GYS2: variants seen among roughly 807,000 people sequenced by gnomAD.
GYS2 encodes glycogen synthase 2, also known as glycogen [starch] synthase, liver.
In GYS2, 80 loss-of-function variants were observed where a neutral mutation model predicts 85.6. That is an observed-to-expected ratio of 0.93 (90% CI 0.78 to 1.13). GYS2 has a LOEUF of 1.13. GYS2 is among the 50% of genes most tolerant of loss of function. GYS2 has a pLI of 0.00. For missense variants in GYS2, 881 were observed against 854.9 expected (o/e 1.03, Z -0.38); for synonymous variants, 328 against 300.7 (o/e 1.09, Z -0.94).
At chr12:21,556,678 C>G (rs1164639577) in intron 11 of GYS2, among the ~76,000 whole-genome samples, 2 of 152,132 alleles carry the variant, frequency 1.3e-5, no homozygotes, top group Non-Finnish European at 2.9e-5. Flanking sequence ...GATCCTCAAA[C>G]CAGTTTGTGC....
chr12:21,562,806 G>A (rs558849452), intron 7 of GYS2, 112 bp downstream of exon 7: 27 of 1,133,232 alleles, frequency 2.4e-5, no homozygotes, highest in South Asian at 6.6e-5. Flanking sequence ...TTTAGAATAC[G>A]ATTATCGTTT....
intron 1 of GYS2, among the ~76,000 whole-genome samples, chr12:21,582,160 A>G (rs1944517426): frequency 6.6e-6 from 1 of 152,180 alleles, no homozygotes; most frequent in Admixed American, 6.5e-5. Context: ...AACCAACCTC[A>G]TTAGAAAGTG....
intron 1 of GYS2, among the ~76,000 whole-genome samples, chr12:21,585,064 A>G (rs1268206797): frequency 1.3e-5 from 2 of 152,118 alleles, no homozygotes; most frequent in Non-Finnish European, 2.9e-5. Context: ...TGTCCAATAT[A>G]TGGTACTGTT....
intron 5 of GYS2, 36 bp downstream of exon 5, chr12:21,568,815 TGTAACATCATTCGG>T (rs1330454146): frequency 1.4e-5 from 21 of 1,527,780 alleles, no homozygotes; most frequent in Non-Finnish European, 1.9e-5. Flanking sequence ...ATCCTCATAG[TGTAACATCATTCGG>T]AACTGAAAGA....
chr12:21,542,306 T>G (rs1293662174), intron 13 of GYS2, among the ~76,000 whole-genome samples, 190 bp downstream of exon 13: 1 of 152,174 alleles, frequency 6.6e-6, no homozygotes, highest in Non-Finnish European at 1.5e-5. Context: ...CACCTCGGCC[T>G]CCCAAAGTGC....
chr12:21,534,503 C>T (rs575156250), downstream of GYS2, among the ~76,000 whole-genome samples: 1 of 140,610 alleles, frequency 7.1e-6, no homozygotes, highest in Non-Finnish European at 1.5e-5. Context: ...GGTGACAGAG[C>T]AAGACTCTTG....
downstream of GYS2, among the ~76,000 whole-genome samples, chr12:21,533,588 A>G (rs1207898928): frequency 1.3e-5 from 2 of 152,302 alleles, no homozygotes; most frequent in Non-Finnish European, 2.9e-5. Context: ...ATTTGGGTTC[A>G]TTCAGTGAAG....
intron 3 of GYS2, among the ~76,000 whole-genome samples, chr12:21,574,896 A>G (rs1180785580): frequency 4.6e-5 from 7 of 151,958 alleles, no homozygotes; most frequent in South Asian, 2.1e-4. Flanking sequence ...CTATTTAACA[A>G]TCATAATGAA....
intron 1 of GYS2, among the ~76,000 whole-genome samples, chr12:21,590,857 C>A (rs1400965627): frequency 6.6e-6 from 1 of 152,098 alleles, no homozygotes; most frequent in South Asian, 2.1e-4. Flanking sequence ...CTGAAAAAAT[C>A]ACAGACACTG....
chr12:21,558,072 A>C, intron 11 of GYS2, 128 bp downstream of exon 11: 2 of 695,064 alleles, frequency 2.9e-6, no homozygotes, highest in Non-Finnish European at 5.2e-6. Flanking sequence ...AAGAAACTGA[A>C]CCCATTTTCC....
chr12:21,556,649 C>T (rs1443301915), intron 11 of GYS2, among the ~76,000 whole-genome samples: 1 of 152,176 alleles, frequency 6.6e-6, no homozygotes, highest in Non-Finnish European at 1.5e-5. Context: ...AATCAGAAAC[C>T]GAACTCAGTT....
At chr12:21,571,905 T>C (rs1241559878) in intron 4 of GYS2, among the ~76,000 whole-genome samples, 4 of 146,130 alleles carry the variant, frequency 2.7e-5, no homozygotes, top group Non-Finnish European at 3.0e-5. Flanking sequence ...GAGGTTGCAG[T>C]GAGCCGAGAT....
At chr12:21,582,900 T>C (rs1050215227) in intron 1 of GYS2, among the ~76,000 whole-genome samples, 1 of 152,192 alleles carries the variant, frequency 6.6e-6, no homozygotes, top group Non-Finnish European at 1.5e-5. Context: ...TCAACGCTTG[T>C]GAGAGGCAAG....
intron 7 of GYS2, 39 bp from the exon 8 acceptor site, chr12:21,560,531 G>T (rs1457363655): frequency 1.0e-6 from 1 of 968,974 alleles, no homozygotes; most frequent in Admixed American, 1.7e-5. Flanking sequence ...AACTATCAAA[G>T]ATTTTTAAAA....
At chr12:21,572,354 G>C (rs922442222) in intron 4 of GYS2, among the ~76,000 whole-genome samples, 4 of 152,046 alleles carry the variant, frequency 2.6e-5, no homozygotes, top group African/African-American at 9.7e-5. Flanking sequence ...ATTTGTCTGA[G>C]TCAGAATTTA....
At position 21,536,998 on chromosome 12, in the gene GYS2, C is replaced by T. The variant is rs148461282; in HGVS notation, c.2068G>A (p.Val690Ile). 16 of 1,613,876 alleles carry T rather than the reference C, an allele frequency of 9.9e-6. No homozygotes were observed. Among genetic ancestry groups the T allele is most frequent in the East Asian group, 8.9e-5 (4 of 44,878 alleles). The change falls in exon 16 of 16, where the codon GTT (valine) becomes ATT (isoleucine). Residue 690 changes from valine (V) to isoleucine (I), a missense_variant. Physicochemically the swap from Val to Ile is conservative, Grantham distance 29 (BLOSUM62 3). Transcript: ENST00000261195. ...TGCAGCTTTTTCTTCCCATGAGGAA[C>T]GTGGCTCAGTGAAAATGGTGACTTG... ...NIKSPFSLSH[V>I]PHGKKKLHGE... is the part of the protein sequence containing the mutation.
At chr12:21,563,102 T>C in intron 6 of GYS2, 64 bp from the exon 7 acceptor site, 1 of 1,312,212 alleles carries the variant, frequency 7.6e-7, no homozygotes, top group Non-Finnish European at 1.1e-6. Context: ...AATGTACACA[T>C]GAATTCTGTT....
At chr12:21,568,836 AAGAT>A (rs1944353108) in intron 5 of GYS2, 25 bp downstream of exon 5, 1 of 1,596,108 alleles carries the variant, frequency 6.3e-7, no homozygotes, top group Admixed American at 1.7e-5. Flanking sequence ...TCGGAACTGA[AAGAT>A]AGGTGATCCA....
intron 12 of GYS2, 72 bp from the exon 13 acceptor site, chr12:21,542,663 A>C: frequency 4.3e-6 from 4 of 924,880 alleles, no homozygotes; most frequent in Non-Finnish European, 5.4e-6. Flanking sequence ...CAGAGGAGGA[A>C]AAGGCCCTAG....
Sources: allele counts gnomAD v4.1 joint callset (sites outside exome capture counted in the v4.1 genomes callset), GRCh38; gene constraint gnomAD v4.1.1; transcripts MANE v1.5; gene names NCBI Gene and HGNC (gene_info 2026-07-23, HGNC 2026-07-21).